Variants in RPS6KC1 observed in about 807,000 individuals in gnomAD.
RPS6KC1 encodes ribosomal protein S6 kinase C1.
A neutral mutation model predicts 103.8 loss-of-function variants in RPS6KC1; 54 were observed. The observed-to-expected ratio is 0.52, with a 90% CI of 0.42 to 0.65. RPS6KC1 has a LOEUF of 0.65. Among genes scored for constraint, RPS6KC1 ranks in the 30% least tolerant of loss-of-function variants. RPS6KC1 has a pLI of 0.00. For missense variants in RPS6KC1, 1,151 were observed against 1,253.8 expected (o/e 0.92, Z 1.24); for synonymous variants, 439 against 438.7 (o/e 1.00, Z -0.01).
At chr1:213,511,920 T>C in the RPS6KC1 span, among the ~76,000 whole-genome samples, 1 of 152,208 alleles carries the variant, frequency 6.6e-6, no homozygotes, top group African/African-American at 2.4e-5. Context: ...ATAAGCTCCA[T>C]AAATGGTACA....
chr1:213,618,852 T>A, the RPS6KC1 span, among the ~76,000 whole-genome samples: 1 of 152,190 alleles, frequency 6.6e-6, no homozygotes, highest in African/African-American at 2.4e-5. Flanking sequence ...AAAGTTTGTG[T>A]CACTTGCTAT....
At chr1:213,687,613 G>A in the RPS6KC1 span, among the ~76,000 whole-genome samples, 1 of 152,118 alleles carries the variant, frequency 6.6e-6, no homozygotes, top group African/African-American at 2.4e-5. Context: ...GCCACACAAT[G>A]GTAGATGGGT....
the RPS6KC1 span, among the ~76,000 whole-genome samples, chr1:213,849,307 A>G: frequency 6.6e-6 from 1 of 152,164 alleles, no homozygotes; most frequent in South Asian, 2.1e-4. Context: ...GAGGTGAGCA[A>G]CAGCAGCAGA....
chr1:213,707,309 G>A, the RPS6KC1 span, among the ~76,000 whole-genome samples: 1 of 152,128 alleles, frequency 6.6e-6, no homozygotes, highest in Non-Finnish European at 1.5e-5. Context: ...GTGATGATGA[G>A]CTTTTTTTCA....
At chr1:213,575,285 T>C in the RPS6KC1 span, among the ~76,000 whole-genome samples, 8 of 152,198 alleles carry the variant, frequency 5.3e-5, no homozygotes, top group African/African-American at 1.4e-4. Flanking sequence ...TCACAGCTGT[T>C]ATCCAAGCAT....
the RPS6KC1 span, among the ~76,000 whole-genome samples, chr1:213,343,443 A>ACG: frequency 9.6e-6 from 1 of 103,700 alleles, no homozygotes; most frequent in Non-Finnish European, 2.1e-5. Flanking sequence ...ATATATATAC[A>ACG]TACCATGGAA....
At chr1:213,848,995 C>T in the RPS6KC1 span, among the ~76,000 whole-genome samples, 5 of 152,100 alleles carry the variant, frequency 3.3e-5, no homozygotes, top group African/African-American at 1.2e-4. Context: ...GGGCTGGCCA[C>T]AACTTCACAG....
At chr1:213,171,402 T>G (rs1249615995) in intron 7 of RPS6KC1, among the ~76,000 whole-genome samples, 2 of 152,056 alleles carry the variant, frequency 1.3e-5, no homozygotes, top group Non-Finnish European at 2.9e-5. Context: ...ATTTAAGAAT[T>G]AATGTTGAAA....
intron 6 of RPS6KC1, among the ~76,000 whole-genome samples, chr1:213,146,901 G>A (rs2087912731): frequency 6.6e-6 from 1 of 152,042 alleles, no homozygotes; most frequent in Non-Finnish European, 1.5e-5. Context: ...TTAACTGGGC[G>A]GGGATAATAT....
At chr1:213,053,395 G>T (rs1558223136) in intron 1 of RPS6KC1, among the ~76,000 whole-genome samples, 1 of 152,204 alleles carries the variant, frequency 6.6e-6, no homozygotes, top group South Asian at 2.1e-4. Flanking sequence ...GGCACACAGT[G>T]CCTGAAAAAC....
chr1:213,662,382 C>T, the RPS6KC1 span, among the ~76,000 whole-genome samples: 1 of 151,968 alleles, frequency 6.6e-6, no homozygotes. Context: ...CAATCTCAGC[C>T]TCCAGGGTAG....
chr1:213,586,785 C>T, the RPS6KC1 span, among the ~76,000 whole-genome samples: 1 of 152,154 alleles, frequency 6.6e-6, no homozygotes, highest in Non-Finnish European at 1.5e-5. Flanking sequence ...TGAGTGTGTC[C>T]TGGGGGTGAC....
At chr1:213,722,491 C>A in the RPS6KC1 span, among the ~76,000 whole-genome samples, 1 of 152,202 alleles carries the variant, frequency 6.6e-6, no homozygotes, top group African/African-American at 2.4e-5. Context: ...ACTCTCCTCT[C>A]TTCTCTGAAT....
At chr1:213,477,045 T>C in the RPS6KC1 span, among the ~76,000 whole-genome samples, 2 of 152,186 alleles carry the variant, frequency 1.3e-5, no homozygotes, top group East Asian at 3.8e-4. Context: ...TGGGTGGTGG[T>C]GAGACCTTCC....
chr1:213,439,560 A>G, the RPS6KC1 span, among the ~76,000 whole-genome samples: 1 of 152,160 alleles, frequency 6.6e-6, no homozygotes, highest in Non-Finnish European at 1.5e-5. Context: ...CCAGATGTTT[A>G]TTAAGGAGCA....
intron 6 of RPS6KC1, among the ~76,000 whole-genome samples, chr1:213,134,353 C>T (rs760616170): frequency 1.6e-4 from 24 of 151,944 alleles, no homozygotes; most frequent in Middle Eastern, 6.8e-3. Flanking sequence ...CTCTCCTTCC[C>T]TTTTACCTCC....
At chr1:213,453,512 A>G in the RPS6KC1 span, among the ~76,000 whole-genome samples, 1 of 152,048 alleles carries the variant, frequency 6.6e-6, no homozygotes, top group Non-Finnish European at 1.5e-5. Context: ...ATTTGGAGGG[A>G]GGGTATTCTA....
At chr1:213,205,516 G>A (rs959776653) in intron 8 of RPS6KC1, 1 of 102,696 alleles carries the variant, frequency 9.7e-6, no homozygotes, top group African/African-American at 4.1e-5. Flanking sequence ...TGCAGATAAT[G>A]TTAATAACAA....
chr1:213,370,441 T>C, the RPS6KC1 span, among the ~76,000 whole-genome samples: 1 of 152,036 alleles, frequency 6.6e-6, no homozygotes, highest in African/African-American at 2.4e-5. Flanking sequence ...GTTGGGCACT[T>C]ACAGGCTTGT....
Sources: gnomAD v4.1 joint callset for allele counts (sites outside exome capture counted in the v4.1 genomes callset) on GRCh38, gnomAD v4.1.1 for gene constraint, MANE v1.5 for transcripts, NCBI Gene and HGNC (gene_info 2026-07-23, HGNC 2026-07-21) for gene names.